ACAD10: variants seen among roughly 807,000 people sequenced by gnomAD.
ACAD10 encodes the protein ACAD-10.
In ACAD10, 112 loss-of-function variants were observed where a neutral mutation model predicts 116.8. That is an observed-to-expected ratio of 0.96 (90% confidence interval 0.82 to 1.12). ACAD10 has a LOEUF of 1.12. Among genes scored for constraint, ACAD10 ranks in the 50% most tolerant of loss-of-function variants. ACAD10 has a pLI of 0.00. For missense variants in ACAD10, 1,259 were observed against 1,350.2 expected (o/e 0.93, Z 1.06); for synonymous variants, 486 against 510.6 (o/e 0.95, Z 0.65).
chr12:111,691,500 A>G (rs1007829283), intron 1 of ACAD10, among the ~76,000 whole-genome samples: 4 of 152,278 alleles, frequency 2.6e-5, no homozygotes, highest in African/African-American at 9.6e-5. Flanking sequence ...TGCAGAGGAG[A>G]ACATGCGTTT....
intron 19 of ACAD10, 107 bp from the exon 20 acceptor site, chr12:111,755,561 C>T (rs1317307973): frequency 2.6e-6 from 2 of 768,230 alleles, no homozygotes; most frequent in African/African-American, 3.4e-5. Flanking sequence ...TGCTACCACA[C>T]CCTGCTAGTT....
chr12:111,727,860 T>C, intron 8 of ACAD10, 102 bp from the exon 9 acceptor site: 1 of 1,242,920 alleles, frequency 8.0e-7, no homozygotes, highest in Non-Finnish European at 1.1e-6. Flanking sequence ...TCACCAGCTC[T>C]CAACCTGTAT....
rs754954455 is a variant in ACAD10 at position 111,748,386 on chromosome 12, G to A, written c.2555G>A (p.Arg852Gln). The change falls in exon 17 of 21, where the codon CGG becomes CAG. Residue 852 changes from arginine to glutamine, a missense_variant. By Grantham distance (43) the Arg-to-Gln change is conservative (BLOSUM62 1). Transcript: ENST00000313698. Reference sequence around the variant, plus strand: ...ACAGACCCACATGCACCAAGACACCGGCAGCAGTCTGTGCTCTTGGTTCCC... The same window carrying A: ...ACAGACCCACATGCACCAAGACACCAGCAGCAGTCTGTGCTCTTGGTTCCC... ...GKTDPHAPRH[R>Q]QQSVLLVPMD... The A allele has an allele frequency of 1.2e-5, 19 of 1,614,106 alleles. No homozygotes were observed. The highest frequency in any genetic ancestry group is 3.3e-5 in the Admixed American group (2 of 60,002).
chr12:111,687,962 T>A (rs1401462424), intron 1 of ACAD10: 1 of 152,138 alleles, frequency 6.6e-6, no homozygotes, highest in Non-Finnish European at 1.5e-5. Flanking sequence ...CTCGGCTTCC[T>A]GGGTTCAAGC....
At chr12:111,753,712 G>T in intron 18 of ACAD10, 60 bp from the exon 19 acceptor site, 2 of 1,612,158 alleles carry the variant, frequency 1.2e-6, no homozygotes, top group South Asian at 2.2e-5. Flanking sequence ...ACCAGCCCCC[G>T]CCTCTCGTGG....
chr12:111,736,402 GCCGGT>G (rs1042425276), intron 11 of ACAD10, among the ~76,000 whole-genome samples: 3 of 151,948 alleles, frequency 2.0e-5, no homozygotes, highest in Admixed American at 6.6e-5. Context: ...TATTGGTCAG[GCCGGT>G]CTTGAACTCC....
At chr12:111,743,093 A>G (rs1889790907) in intron 12 of ACAD10, among the ~76,000 whole-genome samples, 1 of 152,232 alleles carries the variant, frequency 6.6e-6, no homozygotes, top group African/African-American at 2.4e-5. Flanking sequence ...TCTTGGGGAC[A>G]TGGAAGTGCT....
At position 111,747,273 on chromosome 12, in the gene ACAD10, CTG is replaced by C; in HGVS notation, c.2395-21_2395-20del. The C allele has an allele frequency of 6.2e-7, 1 of 1,613,986 alleles. No individual in the cohort carries two copies. The highest frequency in any genetic ancestry group is 1.1e-5 in the South Asian group (1 of 91,082). ...ACGGGCTGTCTGCTGGCGTCTCTGA[CTG>C]GAATATGCTCCCCACTCAGGTTGCC... On this transcript the variant is annotated intron_variant, in intron 15 of 20. Transcript: ENST00000313698.
chr12:111,693,343 A>G (rs1483058699), intron 2 of ACAD10, among the ~76,000 whole-genome samples: 3 of 152,180 alleles, frequency 2.0e-5, no homozygotes, highest in African/African-American at 4.8e-5. Context: ...GTTCAAGACC[A>G]GCCTGAGCAA....
At chr12:111,755,008 G>A (rs1041870998) in intron 19 of ACAD10, among the ~76,000 whole-genome samples, 1 of 152,222 alleles carries the variant, frequency 6.6e-6, no homozygotes, top group African/African-American at 2.4e-5. Context: ...GCGAGACCTT[G>A]GGGCCTCTGT....
intron 5 of ACAD10, among the ~76,000 whole-genome samples, chr12:111,711,359 C>T (rs371476951): frequency 6.7e-5 from 10 of 148,388 alleles, no homozygotes; most frequent in African/African-American, 2.5e-4. Flanking sequence ...CACTACCACG[C>T]CCAGCTAATT....
chr12:111,699,172 A>C (rs534233319), intron 2 of ACAD10, among the ~76,000 whole-genome samples: 1 of 152,322 alleles, frequency 6.6e-6, no homozygotes, highest in South Asian at 2.1e-4. Context: ...GCCATGAGTC[A>C]CCACGCCCAG....
chr12:111,729,528 G>A (rs758729315), intron 9 of ACAD10, among the ~76,000 whole-genome samples: 34 of 152,122 alleles, frequency 2.2e-4, no homozygotes, highest in African/African-American at 7.2e-4. Context: ...CACCATGGCC[G>A]GCCACAAGGT....
At chr12:111,698,359 G>A (rs1438647024) in intron 2 of ACAD10, among the ~76,000 whole-genome samples, 6 of 144,622 alleles carry the variant, frequency 4.1e-5, no homozygotes, top group African/African-American at 5.1e-5. Flanking sequence ...GGCTGGTCTC[G>A]AACTCCTAGT....
chr12:111,702,852 G>A (rs555043574), intron 3 of ACAD10, among the ~76,000 whole-genome samples: 12 of 152,100 alleles, frequency 7.9e-5, no homozygotes, highest in Admixed American at 7.2e-4. Context: ...TCAGCACTTT[G>A]GGAGGCTGAG....
intron 18 of ACAD10, among the ~76,000 whole-genome samples, chr12:111,750,384 T>TA (rs2135993162): frequency 6.6e-6 from 1 of 152,192 alleles, no homozygotes; most frequent in East Asian, 1.9e-4. Context: ...CCTCCCAATG[T>TA]GCTGGGATTA....
intron 1 of ACAD10, among the ~76,000 whole-genome samples, chr12:111,692,155 G>T (rs1235028036): frequency 2.0e-5 from 3 of 152,112 alleles, no homozygotes; most frequent in African/African-American, 7.2e-5. Context: ...TTTAGTAGAG[G>T]TGGGGTTTCT....
intron 1 of ACAD10, among the ~76,000 whole-genome samples, chr12:111,688,627 A>T (rs565327283): frequency 6.6e-6 from 1 of 151,388 alleles, no homozygotes; most frequent in Non-Finnish European, 1.5e-5. Flanking sequence ...CATGGTTAAC[A>T]CCCGTCTCCA....
At chr12:111,723,018 A>ACC (rs761816539) in intron 8 of ACAD10, among the ~76,000 whole-genome samples, 137 of 90,600 alleles carry the variant, frequency 1.5e-3, no homozygotes, top group African/African-American at 4.8e-3. Context: ...CGGGGGGCTG[A>ACC]CCCCCCCCCA....
Sources: gnomAD v4.1 joint callset for allele counts (sites outside exome capture counted in the v4.1 genomes callset) on GRCh38, gnomAD v4.1.1 for gene constraint, MANE v1.5 for transcripts, NCBI Gene and HGNC (gene_info 2026-07-23, HGNC 2026-07-21) for gene names.